PHF24: variants seen among roughly 807,000 people sequenced by gnomAD.
PHF24 encodes the protein Galpha inhibitory interacting protein.
Under a neutral mutation model 42.6 loss-of-function variants are expected in PHF24, and 25 were observed. The observed-to-expected ratio is 0.59, with a 90% CI of 0.43 to 0.82. The LOEUF (loss-of-function observed/expected upper bound fraction) is 0.82. PHF24 is among the 40% of genes least tolerant of loss of function. The pLI is 0.00. For synonymous variants in PHF24, 185 were observed against 204.8 expected (o/e 0.90, Z 0.83); for missense variants, 470 against 538.1 (o/e 0.87, Z 1.25).
chr9:34,799,365 G>A, the PHF24 span, among the ~76,000 whole-genome samples: 3 of 152,218 alleles, frequency 2.0e-5, no homozygotes, highest in Admixed American at 1.3e-4. Flanking sequence ...GTAAATTAAT[G>A]CCTTTGTCAT....
At chr9:34,918,086 T>G in the PHF24 span, 1 of 1,528,364 alleles carries the variant, frequency 6.5e-7, no homozygotes, top group Non-Finnish European at 9.1e-7. Flanking sequence ...CTGGATTCCA[T>G]GAAACCTCCA....
At chr9:34,851,736 T>C in the PHF24 span, among the ~76,000 whole-genome samples, 150,472 of 152,320 alleles carry the variant, frequency 0.99, 74,346 homozygotes, top group Middle Eastern at 1. Context: ...TCCTATTCGG[T>C]CATCTTGGCT....
chr9:34,980,677 T>C (rs1274371901), exon 8 of PHF24: 1 of 152,278 alleles, frequency 6.6e-6, no homozygotes, highest in African/African-American at 2.4e-5. Flanking sequence ...AGAAACCCAG[T>C]GAAGCCCATT....
the PHF24 span, among the ~76,000 whole-genome samples, chr9:34,742,661 C>A: frequency 1.3e-5 from 2 of 152,222 alleles, no homozygotes; most frequent in East Asian, 3.9e-4. Flanking sequence ...AGCTCCCTGA[C>A]TCAAGAGATC....
the PHF24 span, among the ~76,000 whole-genome samples, chr9:34,711,831 C>T: frequency 5.3e-5 from 8 of 152,194 alleles, no homozygotes; most frequent in Admixed American, 1.3e-4. Flanking sequence ...ACATGAGCCA[C>T]TGCGCCCAGC....
chr9:34,800,787 G>A, the PHF24 span, among the ~76,000 whole-genome samples: 1 of 152,232 alleles, frequency 6.6e-6, no homozygotes, highest in South Asian at 2.1e-4. Flanking sequence ...AACACCAAAA[G>A]CAATTGCAAC....
At chr9:34,668,576 G>T in the PHF24 span, among the ~76,000 whole-genome samples, 3 of 152,204 alleles carry the variant, frequency 2.0e-5, no homozygotes, top group Admixed American at 1.3e-4. Flanking sequence ...TGTGAAAGGA[G>T]AATAAATCTC....
the PHF24 span, chr9:34,725,820 G>A: frequency 1.3e-6 from 2 of 1,550,166 alleles, no homozygotes; most frequent in Non-Finnish European, 1.7e-6. Context: ...GGGAAGGAGA[G>A]CTCATTGAAG....
the PHF24 span, among the ~76,000 whole-genome samples, chr9:34,942,029 C>T: frequency 3.3e-5 from 5 of 152,198 alleles, no homozygotes; most frequent in Admixed American, 3.3e-4. Context: ...ATAGCTTAAA[C>T]ATTCAGAAGC....
At chr9:34,816,700 C>T in the PHF24 span, among the ~76,000 whole-genome samples, 972 of 152,336 alleles carry the variant, frequency 6.4e-3, 8 homozygotes, top group Middle Eastern at 0.037. Flanking sequence ...AACACCATCA[C>T]ATTGGTTATA....
chr9:34,940,569 T>C, the PHF24 span, among the ~76,000 whole-genome samples: 27 of 152,132 alleles, frequency 1.8e-4, no homozygotes, highest in African/African-American at 6.5e-4. Flanking sequence ...GCCAGCAACA[T>C]AGTGAGACCC....
the PHF24 span, among the ~76,000 whole-genome samples, chr9:34,918,644 C>T: frequency 6.6e-6 from 1 of 152,072 alleles, no homozygotes; most frequent in Non-Finnish European, 1.5e-5. Flanking sequence ...TTTAGAAAAA[C>T]ACTTTAAATC....
chr9:34,889,755 C>T, the PHF24 span: 3 of 397,082 alleles, frequency 7.6e-6, no homozygotes, highest in African/African-American at 2.1e-5. Flanking sequence ...AAAACATGGC[C>T]CTGAACTATT....
chr9:34,886,306 C>G, the PHF24 span, among the ~76,000 whole-genome samples: 1 of 151,636 alleles, frequency 6.6e-6, no homozygotes, highest in Non-Finnish European at 1.5e-5. Flanking sequence ...TCCTTCACCT[C>G]TATGAAACAA....
the PHF24 span, among the ~76,000 whole-genome samples, chr9:34,801,445 C>A: frequency 1.3e-5 from 2 of 152,084 alleles, no homozygotes; most frequent in African/African-American, 4.8e-5. Flanking sequence ...ACATATACAC[C>A]ATGGAATACT....
At chr9:34,800,004 G>C in the PHF24 span, among the ~76,000 whole-genome samples, 4 of 152,148 alleles carry the variant, frequency 2.6e-5, no homozygotes, top group African/African-American at 9.7e-5. Context: ...GTGGGAGAGA[G>C]TGGAAGATGA....
At chr9:34,841,145 G>A in the PHF24 span, among the ~76,000 whole-genome samples, 12 of 151,950 alleles carry the variant, frequency 7.9e-5, no homozygotes, top group South Asian at 4.1e-4. Flanking sequence ...GACTACAGGC[G>A]CCCGCCACCA....
chr9:34,778,284 A>T, the PHF24 span, among the ~76,000 whole-genome samples: 204 of 152,336 alleles, frequency 1.3e-3, 1 homozygote, highest in African/African-American at 4.7e-3. Flanking sequence ...ATCAATAATA[A>T]CATAAAAGTA....
the PHF24 span, among the ~76,000 whole-genome samples, chr9:34,722,794 C>A: frequency 6.6e-6 from 1 of 152,190 alleles, no homozygotes; most frequent in Non-Finnish European, 1.5e-5. Flanking sequence ...TCTTACTATG[C>A]ATTAGCCACT....
Sources: allele counts gnomAD v4.1 joint callset (sites outside exome capture counted in the v4.1 genomes callset), GRCh38; gene constraint gnomAD v4.1.1; transcripts MANE v1.5; gene names NCBI Gene and HGNC (gene_info 2026-07-23, HGNC 2026-07-21).